Variants in DOCK3 observed in about 807,000 individuals in gnomAD.
DOCK3 encodes dedicator of cytokinesis protein 3.
In DOCK3, 60 loss-of-function variants were observed where a neutral mutation model predicts 265.6. That is an observed-to-expected ratio of 0.23 (90% CI 0.18 to 0.28). The LOEUF is 0.28. Among genes scored for constraint, DOCK3 ranks in the 10% least tolerant of loss-of-function variants. The pLI is 1.00. For missense variants in DOCK3, 1,981 were observed against 2,594.3 expected (o/e 0.76, Z 5.14); for synonymous variants, 881 against 938.0 (o/e 0.94, Z 1.11).
intron 27 of DOCK3, among the ~76,000 whole-genome samples, chr3:51,292,263 A>G (rs1462369639): frequency 6.6e-6 from 1 of 152,202 alleles, no homozygotes; most frequent in East Asian, 1.9e-4. Context: ...TCCTAGCCAG[A>G]GCAGTTAGGC....
chr3:50,833,196 G>A lies in DOCK3; in HGVS notation c.122-8479G>A, dbSNP rs115255002. 2.9e-3 allele frequency among the ~76,000 whole-genome samples: 445 copies of A among 152,220 alleles called. 4 individuals are homozygous for A. Among genetic ancestry groups the A allele is most frequent in the African/African-American group, 0.01 (434 of 41,550 alleles). ...TTCTGAGCAGCAGTCAGAGATCACT[G>A]GTTGGTTCACAGGATAAGCAGGGTT... On this transcript the variant is annotated intron_variant, in intron 2 of 52. Transcript: ENST00000266037.
intron 9 of DOCK3, among the ~76,000 whole-genome samples, chr3:51,107,140 A>G (rs2083311921): frequency 6.6e-6 from 1 of 152,168 alleles, no homozygotes. Flanking sequence ...AGTTGACTGA[A>G]CCCATCTTAT....
chr3:50,835,570 C>A (rs1364409337), intron 2 of DOCK3, among the ~76,000 whole-genome samples: 1 of 152,166 alleles, frequency 6.6e-6, no homozygotes, highest in African/African-American at 2.4e-5. Context: ...TCATATCCTA[C>A]ATAGAACACA....
chr3:50,751,780 G>A (rs2039827894), intron 1 of DOCK3, among the ~76,000 whole-genome samples: 1 of 152,144 alleles, frequency 6.6e-6, no homozygotes, highest in African/African-American at 2.4e-5. Flanking sequence ...ACATGGCTGG[G>A]GAGGCCTTAG....
intron 2 of DOCK3, among the ~76,000 whole-genome samples, chr3:50,821,650 A>C (rs1007434401): frequency 9.9e-5 from 15 of 152,152 alleles, no homozygotes; most frequent in Non-Finnish European, 1.5e-5. Flanking sequence ...TCTTTAATAT[A>C]TCTTGAGTAA....
At chr3:51,179,132 C>T (rs545380486) in intron 12 of DOCK3, among the ~76,000 whole-genome samples, 1 of 152,310 alleles carries the variant, frequency 6.6e-6, no homozygotes, top group East Asian at 1.9e-4. Context: ...CAGCTGTAAA[C>T]ACATTTTTTT....
At chr3:50,886,655 A>T (rs2048355860) in intron 3 of DOCK3, among the ~76,000 whole-genome samples, 2 of 148,012 alleles carry the variant, frequency 1.4e-5, no homozygotes, top group Non-Finnish European at 3.0e-5. Context: ...GAGAACATGT[A>T]TGTGGTGTTT....
At chr3:51,110,312 C>T (rs2083460232) in intron 9 of DOCK3, among the ~76,000 whole-genome samples, 1 of 152,198 alleles carries the variant, frequency 6.6e-6, no homozygotes, top group African/African-American at 2.4e-5. Flanking sequence ...TCCTCCCCAA[C>T]TCATTCTATG....
intron 9 of DOCK3, among the ~76,000 whole-genome samples, chr3:51,096,123 C>T (rs554573994): frequency 4.4e-4 from 67 of 152,168 alleles, no homozygotes; most frequent in African/African-American, 1.5e-3. Flanking sequence ...TGGGGTTGCT[C>T]TTCTCAAGGA....
intron 9 of DOCK3, among the ~76,000 whole-genome samples, chr3:51,090,771 G>T (rs1292947971): frequency 2.6e-5 from 4 of 152,192 alleles, no homozygotes; most frequent in African/African-American, 9.7e-5. Flanking sequence ...GCATGTGGAA[G>T]AGAGGGTTTG....
At chr3:50,676,273 C>G (rs1379085867) in intron 1 of DOCK3, among the ~76,000 whole-genome samples, 1 of 152,184 alleles carries the variant, frequency 6.6e-6, no homozygotes, top group African/African-American at 2.4e-5. Context: ...TAACTTGAAA[C>G]TGCAGTGGTA....
rs544377840 is a variant in DOCK3 at position 51,243,387 on chromosome 3, A to T, written c.2103-3339A>T. ...CAAGTTGCTTCTTAATAGTTCACTC[A>T]CCTTTCCTCCAGAGCCATCGAGGGC... On this transcript the variant is annotated intron_variant, in intron 21 of 52. Coordinates refer to ENST00000266037, the MANE Select transcript of DOCK3 (RefSeq NM_004947.5). Among the ~76,000 whole-genome samples, 9 of 150,022 alleles carry T rather than the reference A, an allele frequency of 6.0e-5. No homozygotes were observed. The South Asian group carries it at 1.5e-3, about 25-fold the overall frequency.
At chr3:50,682,010 A>T (rs2107671362) in intron 1 of DOCK3, among the ~76,000 whole-genome samples, 1 of 152,358 alleles carries the variant, frequency 6.6e-6, no homozygotes, top group Middle Eastern at 3.4e-3. Flanking sequence ...TATTGAGTAG[A>T]CTAATGACTC....
At chr3:50,678,982 T>G (rs1205499481) in intron 1 of DOCK3, among the ~76,000 whole-genome samples, 1 of 151,730 alleles carries the variant, frequency 6.6e-6, no homozygotes, top group Non-Finnish European at 1.5e-5. Flanking sequence ...GCTAATTTTG[T>G]TTTTGTATTT....
intron 4 of DOCK3, among the ~76,000 whole-genome samples, chr3:50,905,857 A>G (rs62257819): frequency 1.3e-5 from 2 of 151,996 alleles, no homozygotes; most frequent in Non-Finnish European, 2.9e-5. Flanking sequence ...CAAAGTGAAT[A>G]CTTCCAGTTT....
At chr3:51,233,551 T>C (rs754432410) in intron 19 of DOCK3, among the ~76,000 whole-genome samples, 4 of 152,016 alleles carry the variant, frequency 2.6e-5, no homozygotes, top group Non-Finnish European at 5.9e-5. Context: ...GTATTTTTAG[T>C]AGAGACAAGG....
chr3:50,772,388 A>G (rs1439491378), intron 1 of DOCK3, among the ~76,000 whole-genome samples: 1 of 152,216 alleles, frequency 6.6e-6, no homozygotes, highest in Non-Finnish European at 1.5e-5. Flanking sequence ...ACTGTTTGAT[A>G]GCTCAACAGG....
intron 5 of DOCK3, among the ~76,000 whole-genome samples, chr3:50,939,667 A>G (rs971098764): frequency 2.6e-5 from 4 of 152,152 alleles, no homozygotes; most frequent in African/African-American, 9.7e-5. Flanking sequence ...GTATTTTAGA[A>G]AATTCAGCAC....
In DOCK3 at chr3:51,374,707, C is replaced by A. The variant is rs2087957243; in HGVS notation, c.5412+120C>A. 1.0e-6 allele frequency: 1 copy of A among 991,360 alleles called. No individual in the cohort carries two copies. Among genetic ancestry groups the A allele is most frequent in the East Asian group, 2.7e-5 (1 of 37,322 alleles). The allele number at this position is 991,360 out of a possible 1,614,324, so 61.4% of individuals were successfully genotyped here. ...TGGCTCTCTCATTCCGCTGTAAGATCCCGCAAAAGGCCGCTGGGCTTCTGG... is the reference window on the plus strand; with the variant it reads ...TGGCTCTCTCATTCCGCTGTAAGATACCGCAAAAGGCCGCTGGGCTTCTGG... On this transcript the variant is annotated intron_variant, in intron 50 of 52. Transcript: ENST00000266037. The surrounding 1 kb of genome is among the most constrained non-coding windows in gnomAD (Gnocchi z 4.8).
Sources: allele counts gnomAD v4.1 joint callset (sites outside exome capture counted in the v4.1 genomes callset), GRCh38; gene constraint gnomAD v4.1.1; non-coding constraint Gnocchi (gnomAD v3.1); transcripts MANE v1.5; gene names NCBI Gene and HGNC (gene_info 2026-07-23, HGNC 2026-07-21).